Variants in CNTN4 observed in about 807,000 individuals in gnomAD.
CNTN4 encodes the protein contactin 4, also known as contactin-4.
Under a neutral mutation model 122.5 loss-of-function variants are expected in CNTN4, and 77 were observed. That is an observed-to-expected ratio of 0.63 (90% CI 0.52 to 0.76). CNTN4 has a LOEUF of 0.76. CNTN4 is among the 30% of genes least tolerant of loss of function. The pLI is 0.00. For synonymous variants in CNTN4, 512 were observed against 447.0 expected, an observed-to-expected ratio of 1.15 and a Z score of -1.83; for missense variants, 1,256 against 1,259.1, an observed-to-expected ratio of 1.00 and a Z score of 0.04.
intron 7 of CNTN4, among the ~76,000 whole-genome samples, chr3:2,840,085 C>T (rs1271636159): frequency 6.6e-6 from 1 of 152,104 alleles, no homozygotes; most frequent in Non-Finnish European, 1.5e-5. Context: ...TTATGAGTCA[C>T]CACACTCAGG....
At chr3:2,267,114 G>A (rs781486423) in intron 2 of CNTN4, among the ~76,000 whole-genome samples, 6 of 151,974 alleles carry the variant, frequency 3.9e-5, no homozygotes, top group Non-Finnish European at 7.4e-5. Context: ...TTCCTGTGTC[G>A]GAAAGATAGC....
chr3:2,518,234 T>TGTGTGC (rs1388728628), intron 3 of CNTN4, among the ~76,000 whole-genome samples: 1 of 152,114 alleles, frequency 6.6e-6, no homozygotes, highest in South Asian at 2.1e-4. Context: ...TGTGTGTGTG[T>TGTGTGC]GCACACACGC....
chr3:2,755,303 A>G (rs769461786), intron 6 of CNTN4, among the ~76,000 whole-genome samples: 16 of 152,320 alleles, frequency 1.1e-4, no homozygotes, highest in Non-Finnish European at 2.1e-4. Flanking sequence ...CTGAGCGATA[A>G]AATGTGGATG....
intron 13 of CNTN4, among the ~76,000 whole-genome samples, chr3:2,941,459 C>T (rs1174277343): frequency 6.6e-6 from 1 of 152,224 alleles, no homozygotes; most frequent in East Asian, 1.9e-4. Context: ...GAACCTTAGT[C>T]AGTTATACAC....
chr3:2,706,933 G>T (rs2086775679), intron 4 of CNTN4, among the ~76,000 whole-genome samples: 1 of 152,100 alleles, frequency 6.6e-6, no homozygotes, highest in Non-Finnish European at 1.5e-5. Context: ...TTTTCAAAGT[G>T]CCCAGAAGTG....
At position 2,918,400 on chromosome 3, in the gene CNTN4, C is replaced by T. The variant is rs904487; in HGVS notation, c.1208-7229C>T. Among the ~76,000 whole-genome samples, 8 of 152,054 alleles carry T rather than the reference C, an allele frequency of 5.3e-5. No homozygotes were observed. In the East Asian group the frequency reaches 1.2e-3, roughly 22 times the overall value. ...GAAAGAGGAGACCATGTGCTTCTGC[C>T]GAACAAGACCCAAATCTGGGGAAAG... On this transcript the variant is annotated intron_variant, in intron 12 of 24. Transcript: ENST00000418658.
chr3:2,659,460 CAAAAAAAAAAA>C (rs59025670), intron 4 of CNTN4, among the ~76,000 whole-genome samples: 2 of 53,980 alleles, frequency 3.7e-5, no homozygotes, highest in Non-Finnish European at 3.8e-5. Flanking sequence ...GACTCCATCT[CAAAAAAAAAAA>C]AAAAAAAAAA....
intron 14 of CNTN4, among the ~76,000 whole-genome samples, chr3:3,005,965 C>A (rs1384401196): frequency 2.7e-5 from 4 of 150,818 alleles, no homozygotes; most frequent in Admixed American, 6.6e-5. Flanking sequence ...GGCTCACTGC[C>A]AGCTCTGCCT....
chr3:2,428,024 C>A (rs955219237), intron 3 of CNTN4, among the ~76,000 whole-genome samples: 6 of 152,078 alleles, frequency 3.9e-5, no homozygotes, highest in South Asian at 2.1e-4. Flanking sequence ...ACTCTTTATC[C>A]AATTTGCCAG....
chr3:2,408,484 A>T (rs1228310556), intron 3 of CNTN4, among the ~76,000 whole-genome samples: 1 of 152,228 alleles, frequency 6.6e-6, no homozygotes, highest in Admixed American at 6.5e-5. Context: ...TAATGGAAGG[A>T]TGCTGAGAGT....
chr3:2,833,417 T>G (rs1234549681), intron 7 of CNTN4, among the ~76,000 whole-genome samples: 1 of 151,780 alleles, frequency 6.6e-6, no homozygotes, highest in Non-Finnish European at 1.5e-5. Flanking sequence ...GCTTCATAAA[T>G]ATAAAAATTA....
chr3:2,317,750 G>A (rs1281987557), intron 2 of CNTN4, among the ~76,000 whole-genome samples: 6 of 152,136 alleles, frequency 3.9e-5, no homozygotes, highest in Non-Finnish European at 8.8e-5. Flanking sequence ...AAAATGCTAG[G>A]TAGGAGACAG....
intron 3 of CNTN4, among the ~76,000 whole-genome samples, chr3:2,433,486 G>GT (rs141775000): frequency 0.24 from 35,748 of 151,892 alleles, 5,429 homozygotes; most frequent in Non-Finnish European, 0.35. Flanking sequence ...TTATTTGTGG[G>GT]TTTTTTTGCT....
intron 23 of CNTN4, among the ~76,000 whole-genome samples, chr3:3,050,240 C>G (rs555251886): frequency 3.3e-5 from 5 of 152,172 alleles, no homozygotes; most frequent in African/African-American, 1.2e-4. Flanking sequence ...GTAGAACCCA[C>G]AAATTTTTAA....
intron 23 of CNTN4, among the ~76,000 whole-genome samples, chr3:3,051,555 A>G (rs910813012): frequency 6.6e-6 from 1 of 152,166 alleles, no homozygotes; most frequent in Non-Finnish European, 1.5e-5. Flanking sequence ...CCATCAGCCC[A>G]TTCTCCTGGA....
At chr3:2,515,163 T>C (rs933412187) in intron 3 of CNTN4, among the ~76,000 whole-genome samples, 1 of 152,144 alleles carries the variant, frequency 6.6e-6, no homozygotes, top group African/African-American at 2.4e-5. Context: ...TACTGCTCTG[T>C]TATATATTAG....
At chr3:2,577,029 C>T (rs1271091400) in intron 4 of CNTN4, among the ~76,000 whole-genome samples, 2 of 152,198 alleles carry the variant, frequency 1.3e-5, no homozygotes, top group Non-Finnish European at 2.9e-5. Flanking sequence ...CCTCTGTCTC[C>T]TGTCCTTTGG....
At chr3:2,208,867 A>G (rs1017626008) in intron 2 of CNTN4, among the ~76,000 whole-genome samples, 41 of 152,312 alleles carry the variant, frequency 2.7e-4, no homozygotes, top group African/African-American at 9.4e-4. Context: ...GCAATAAAGT[A>G]TGTTTAAATG....
intron 13 of CNTN4, among the ~76,000 whole-genome samples, chr3:2,937,525 C>T (rs1253204123): frequency 6.6e-6 from 1 of 152,204 alleles, no homozygotes; most frequent in East Asian, 1.9e-4. Flanking sequence ...CTATTTTATA[C>T]AGGTGCTTTA....
Sources: gnomAD v4.1 joint callset for allele counts (sites outside exome capture counted in the v4.1 genomes callset) on GRCh38, gnomAD v4.1.1 for gene constraint, MANE v1.5 for transcripts, NCBI Gene and HGNC (gene_info 2026-07-23, HGNC 2026-07-21) for gene names.